Variants in EML4 observed in about 807,000 individuals in gnomAD.
The protein encoded by EML4 is echinoderm microtubule-associated protein-like 4.
A neutral mutation model predicts 129.0 loss-of-function variants in EML4; 72 were observed. The observed-to-expected ratio is 0.56, with a 90% CI of 0.46 to 0.68. The LOEUF (loss-of-function observed/expected upper bound fraction) is 0.68, where lower values mean the gene tolerates loss of function less well. Ranked by LOEUF, EML4 falls within the 30% of genes least tolerant of loss-of-function variation. The probability of loss-of-function intolerance (pLI) is 0.00; values close to 1 mark genes in which losing one functional copy is unlikely to be tolerated. For synonymous variants in EML4, 532 were observed against 405.0 expected, an observed-to-expected ratio of 1.31 and a Z score of -3.77; for missense variants, 1,363 against 1,190.6, an observed-to-expected ratio of 1.14 and a Z score of -2.13.
intron 17 of EML4, among the ~76,000 whole-genome samples, chr2:42,310,330 C>T (rs572164784): frequency 6.6e-6 from 1 of 151,484 alleles, no homozygotes; most frequent in African/African-American, 2.4e-5. Context: ...TTTCCCTTCC[C>T]CTTCTCCTTC....
At chr2:42,222,688 A>G (rs950692819) in intron 1 of EML4, among the ~76,000 whole-genome samples, 3 of 152,196 alleles carry the variant, frequency 2.0e-5, no homozygotes, top group African/African-American at 7.2e-5. Context: ...AACAGTGAAT[A>G]TGCATTATCT....
chr2:42,304,036 T>C (rs888313990), intron 16 of EML4, among the ~76,000 whole-genome samples: 1 of 152,222 alleles, frequency 6.6e-6, no homozygotes, highest in Admixed American at 6.5e-5. Context: ...TTAATTATTA[T>C]GGAAACATTT....
At chr2:42,299,201 C>CT (rs1019231049) in intron 13 of EML4, among the ~76,000 whole-genome samples, 1 of 152,230 alleles carries the variant, frequency 6.6e-6, no homozygotes. Context: ...CAAGCAAGCC[C>CT]TTTCCTGTCT....
chr2:42,305,526 G>A (rs927795473), intron 17 of EML4, among the ~76,000 whole-genome samples: 35 of 152,112 alleles, frequency 2.3e-4, no homozygotes, highest in African/African-American at 7.5e-4. Context: ...TTGCCATCCT[G>A]TCTTTTTTAA....
chr2:42,247,475 T>C (rs6723009), intron 2 of EML4, among the ~76,000 whole-genome samples: 113,648 of 151,798 alleles, frequency 0.75, 43,336 homozygotes, highest in African/African-American at 0.88. Flanking sequence ...TTTTCCCTCT[T>C]GGCCTCATGT....
At chr2:42,325,769 A>C (rs990189956) in intron 20 of EML4, among the ~76,000 whole-genome samples, 4 of 151,236 alleles carry the variant, frequency 2.6e-5, no homozygotes, top group African/African-American at 9.7e-5. Context: ...GAGAATCTCA[A>C]ATGTGATTCA....
intron 1 of EML4, among the ~76,000 whole-genome samples, 181 bp downstream of exon 1, chr2:42,169,817 T>C (rs1440721448): frequency 2.0e-5 from 3 of 152,016 alleles, no homozygotes; most frequent in Non-Finnish European, 4.4e-5. Flanking sequence ...CCCTCCCCCA[T>C]GTCCAACTCT....
intron 1 of EML4, among the ~76,000 whole-genome samples, chr2:42,244,721 C>T (rs912522247): frequency 6.6e-6 from 1 of 152,254 alleles, no homozygotes; most frequent in Non-Finnish European, 1.5e-5. Context: ...GATGCTTCCT[C>T]ATCATTGTTG....
chr2:42,309,005 T>C (rs888216425), intron 17 of EML4, among the ~76,000 whole-genome samples: 3 of 152,240 alleles, frequency 2.0e-5, no homozygotes, highest in South Asian at 2.1e-4. Flanking sequence ...TTTTGGCTAC[T>C]ATGAATAATG....
intron 1 of EML4, among the ~76,000 whole-genome samples, chr2:42,234,989 T>C (rs959107591): frequency 6.6e-6 from 1 of 152,128 alleles, no homozygotes; most frequent in African/African-American, 2.4e-5. Context: ...AAACCCCATC[T>C]CTACTAAAAA....
intron 6 of EML4, among the ~76,000 whole-genome samples, chr2:42,268,079 C>A (rs905594657): frequency 1.3e-5 from 2 of 152,188 alleles, no homozygotes; most frequent in Non-Finnish European, 2.9e-5. Context: ...CAAAATGATA[C>A]TGCCATTAAG....
intron 9 of EML4, 185 bp from the exon 10 acceptor site, chr2:42,286,084 T>A: frequency 1.6e-6 from 1 of 628,676 alleles, no homozygotes; most frequent in Non-Finnish European, 2.9e-6. Flanking sequence ...TTTGCTGCTA[T>A]TTTCTTATTT....
At chr2:42,255,872 A>G (rs1216216431) in intron 2 of EML4, among the ~76,000 whole-genome samples, 1 of 152,236 alleles carries the variant, frequency 6.6e-6, no homozygotes, top group Non-Finnish European at 1.5e-5. Flanking sequence ...TGTGCACGTG[A>G]GAAAACTGAG....
chr2:42,329,378 C>T (rs923162344), intron 22 of EML4, among the ~76,000 whole-genome samples: 1 of 152,154 alleles, frequency 6.6e-6, no homozygotes, highest in African/African-American at 2.4e-5. Context: ...TCCCGAATGT[C>T]CTGTAATCCT....
chr2:42,174,365 A>G (rs1226956703), intron 1 of EML4, among the ~76,000 whole-genome samples: 3 of 152,074 alleles, frequency 2.0e-5, no homozygotes, highest in African/African-American at 7.2e-5. Context: ...ATCTCAGCTC[A>G]CTGCAACCTC....
At chr2:42,192,280 G>T (rs764158895) in intron 1 of EML4, among the ~76,000 whole-genome samples, 3 of 142,526 alleles carry the variant, frequency 2.1e-5, no homozygotes, top group Admixed American at 7.3e-5. Flanking sequence ...TCTGTTGCCC[G>T]TGCTGGAGTA....
At chr2:42,257,151 A>C (rs941880727) in intron 3 of EML4, among the ~76,000 whole-genome samples, 15 of 152,012 alleles carry the variant, frequency 9.9e-5, no homozygotes, top group Admixed American at 9.8e-4. Context: ...GATGGTGGGC[A>C]GGAGGGCTGT....
chr2:42,271,272 A>C (rs1166799194), intron 6 of EML4, among the ~76,000 whole-genome samples: 1 of 152,348 alleles, frequency 6.6e-6, no homozygotes, highest in African/African-American at 2.4e-5. Flanking sequence ...GCTTTGTCCA[A>C]GTATTCTCTG....
At chr2:42,195,263 A>C (rs762215889) in intron 1 of EML4, among the ~76,000 whole-genome samples, 1 of 152,218 alleles carries the variant, frequency 6.6e-6, no homozygotes. Flanking sequence ...ACATTAGAGC[A>C]TATGCCTTAC....
Sources: allele counts gnomAD v4.1 joint callset (sites outside exome capture counted in the v4.1 genomes callset), GRCh38; gene constraint gnomAD v4.1.1; transcripts MANE v1.5; gene names NCBI Gene and HGNC (gene_info 2026-07-23, HGNC 2026-07-21).